LHFPL2: variants seen among roughly 807,000 people sequenced by gnomAD.
LHFPL2 encodes LHFPL tetraspan subfamily member 2.
LHFPL2 carries 7 observed loss-of-function variants against 17.5 expected under a neutral mutation model. The observed-to-expected ratio is 0.40, with a 90% CI of 0.23 to 0.75. LHFPL2 has a LOEUF of 0.75. Among genes scored for constraint, LHFPL2 ranks in the 30% least tolerant of loss-of-function variants. The pLI is 0.37. For synonymous variants in LHFPL2, 134 were observed against 116.2 expected, an observed-to-expected ratio of 1.15 and a Z score of -0.99; for missense variants, 241 against 294.8, an observed-to-expected ratio of 0.82 and a Z score of 1.34.
chr5:78,605,842 A>G (rs1744194785), intron 2 of LHFPL2, among the ~76,000 whole-genome samples: 1 of 152,200 alleles, frequency 6.6e-6, no homozygotes, highest in South Asian at 2.1e-4. Flanking sequence ...GACAATATTA[A>G]TCATCTTACA....
intron 2 of LHFPL2, among the ~76,000 whole-genome samples, chr5:78,603,831 G>C (rs1163058863): frequency 6.6e-6 from 1 of 152,180 alleles, no homozygotes; most frequent in Non-Finnish European, 1.5e-5. Context: ...GGTTAGCTAA[G>C]TACACTATGA....
intron 4 of LHFPL2, among the ~76,000 whole-genome samples, chr5:78,504,818 A>AG (rs902575497): frequency 6.6e-6 from 1 of 152,218 alleles, no homozygotes; most frequent in African/African-American, 2.4e-5. Flanking sequence ...AGCCCTGCAG[A>AG]GGCAGGGTTC....
chr5:78,545,262 C>T (rs553723161), intron 3 of LHFPL2, among the ~76,000 whole-genome samples: 1 of 152,196 alleles, frequency 6.6e-6, no homozygotes, highest in African/African-American at 2.4e-5. Context: ...CCAACACATT[C>T]CCCATCAGGA....
intron 2 of LHFPL2, among the ~76,000 whole-genome samples, chr5:78,608,804 C>T (rs1168652995): frequency 3.3e-5 from 5 of 151,796 alleles, no homozygotes; most frequent in African/African-American, 7.3e-5. Flanking sequence ...CGGTGGCGGG[C>T]GCCTGTGGTC....
At chr5:78,570,610 A>AATATATATATACGTATATATATAGTATAT (rs1756971556) in intron 2 of LHFPL2, among the ~76,000 whole-genome samples, 12 of 148,498 alleles carry the variant, frequency 8.1e-5, no homozygotes, top group African/African-American at 2.5e-4. Context: ...TTTAACCTTG[A>AATATATATATACGTATATATATAGTATAT]ATATATATAT....
At chr5:78,599,979 G>C (rs959915642) in intron 2 of LHFPL2, among the ~76,000 whole-genome samples, 2 of 152,070 alleles carry the variant, frequency 1.3e-5, no homozygotes, top group Non-Finnish European at 2.9e-5. Flanking sequence ...GGAAAATCTT[G>C]TAACTTTATA....
chr5:78,590,240 G>C (rs1237381201), intron 2 of LHFPL2: 1 of 149,942 alleles, frequency 6.7e-6, no homozygotes, highest in Non-Finnish European at 1.5e-5. Context: ...GGGCAACAGT[G>C]TTAGAGGTAT....
At chr5:78,528,219 A>C (rs1372910980) in intron 3 of LHFPL2, among the ~76,000 whole-genome samples, 1 of 152,180 alleles carries the variant, frequency 6.6e-6, no homozygotes, top group Non-Finnish European at 1.5e-5. Flanking sequence ...TTTATGCTCT[A>C]AGACTCCTTT....
At chr5:78,492,589 G>A (rs1377586823) in intron 4 of LHFPL2, among the ~76,000 whole-genome samples, 3 of 152,194 alleles carry the variant, frequency 2.0e-5, no homozygotes, top group Non-Finnish European at 4.4e-5. Context: ...TTTTCTAATG[G>A]CTCAGGTGTG....
chr5:78,586,268 G>T (rs1743394587), intron 2 of LHFPL2, among the ~76,000 whole-genome samples: 2 of 152,190 alleles, frequency 1.3e-5, no homozygotes, highest in Non-Finnish European at 2.9e-5. Flanking sequence ...TCACCAGGCT[G>T]CTGTGAGGAT....
At chr5:78,562,269 C>T (rs1477751706) in intron 3 of LHFPL2, among the ~76,000 whole-genome samples, 1 of 152,168 alleles carries the variant, frequency 6.6e-6, no homozygotes, top group Non-Finnish European at 1.5e-5. Context: ...GGTCACAGAG[C>T]CTGCTGGTAC....
chr5:78,563,719 A>G (rs1756790981), intron 3 of LHFPL2, among the ~76,000 whole-genome samples: 1 of 149,968 alleles, frequency 6.7e-6, no homozygotes, highest in East Asian at 1.9e-4. Flanking sequence ...AAAAAAAAAG[A>G]TTATCAGTTT....
In LHFPL2 at chr5:78,486,407, G is replaced by T. The variant is rs992002687; in HGVS notation, c.*2490C>A. 6.6e-6 allele frequency: 1 copy of T among 152,150 alleles called. No homozygotes were observed. Among genetic ancestry groups the T allele is most frequent in the Admixed American group, 6.5e-5 (1 of 15,272 alleles). 9.4% of individuals were successfully genotyped at this position (152,150 alleles called of 1,614,324 possible). A position where few individuals can be genotyped will look rare whatever the true frequency, so the allele number is the denominator to read the frequency against. ...TCCTATTTATTAGAAAAATAAGTGT[G>T]AGCCAACAATCTATTTTTAACATTT... On this transcript the variant is annotated 3_prime_UTR_variant, in exon 5 of 5. Coordinates refer to ENST00000380345, the MANE Select transcript of LHFPL2 (RefSeq NM_005779.3).
chr5:78,599,155 G>C (rs549047216), intron 2 of LHFPL2, among the ~76,000 whole-genome samples: 4 of 152,012 alleles, frequency 2.6e-5, no homozygotes, highest in Admixed American at 2.0e-4. Context: ...ATCACACTGC[G>C]TCATTCCCCT....
At position 78,635,994 on chromosome 5, in the gene LHFPL2, A is replaced by G. The variant is rs547001820; in HGVS notation, c.-349-3626T>C. ...AATTATATTAAAGTTCCCATCACAC[A>G]CACAGACACACACACACACACACAC... On this transcript the variant is annotated intron_variant, in intron 1 of 4. Coordinates refer to ENST00000380345, the MANE Select transcript of LHFPL2 (RefSeq NM_005779.3). 4.2e-4 allele frequency among the ~76,000 whole-genome samples: 42 copies of G among 100,024 alleles called. No individual in the cohort carries two copies. In the South Asian group the frequency reaches 0.012, roughly 29 times the overall value. 65.6% of individuals were successfully genotyped at this position (100,024 alleles called of 152,430 possible). A position where few individuals can be genotyped will look rare whatever the true frequency, so the allele number is the denominator to read the frequency against.
intron 2 of LHFPL2, among the ~76,000 whole-genome samples, chr5:78,582,586 T>C (rs1379947103): frequency 1.3e-5 from 2 of 151,622 alleles, no homozygotes; most frequent in African/African-American, 2.4e-5. Flanking sequence ...TTCCATGTAG[T>C]TGAGCGGTTT....
chr5:78,556,351 C>T (rs1054446097), intron 3 of LHFPL2, among the ~76,000 whole-genome samples: 8 of 152,100 alleles, frequency 5.3e-5, no homozygotes, highest in African/African-American at 1.4e-4. Context: ...TCAGAAAAGA[C>T]AAACTTCAAA....
intron 4 of LHFPL2, among the ~76,000 whole-genome samples, chr5:78,506,215 C>T (rs1303226581): frequency 6.6e-6 from 1 of 152,184 alleles, no homozygotes; most frequent in Non-Finnish European, 1.5e-5. Flanking sequence ...ATTATTTATG[C>T]TGTGTTTTTT....
chr5:78,534,260 G>A (rs1026739743), intron 3 of LHFPL2, among the ~76,000 whole-genome samples: 7 of 152,186 alleles, frequency 4.6e-5, no homozygotes, highest in Admixed American at 6.5e-5. Flanking sequence ...CCTGGGCCCC[G>A]CAGTGTGCTC....
Sources: allele counts gnomAD v4.1 joint callset (sites outside exome capture counted in the v4.1 genomes callset), GRCh38; gene constraint gnomAD v4.1.1; transcripts MANE v1.5; gene names NCBI Gene and HGNC (gene_info 2026-07-23, HGNC 2026-07-21).